The following HHATL variants were observed in gnomAD, a reference collection of about 807,000 sequenced individuals.
HHATL encodes hedgehog acyltransferase like.
HHATL carries 49 observed loss-of-function variants against 59.7 expected under a neutral mutation model. The ratio of observed to expected loss-of-function variants is 0.82; its 90% CI spans 0.65 to 1.04. The LOEUF (loss-of-function observed/expected upper bound fraction) is 1.04, where lower values mean the gene tolerates loss of function less well. Among genes scored for constraint, HHATL ranks in the 50% least tolerant of loss-of-function variants. The pLI is 0.00. For missense variants in HHATL, 605 were observed against 650.8 expected (o/e 0.93, Z 0.77); for synonymous variants, 238 against 257.3 (o/e 0.93, Z 0.72).
At position 42,700,706 on chromosome 3, in the gene HHATL, G is replaced by A. The variant is rs1244275489; in HGVS notation, c.106+15C>T. 2 of 1,582,174 alleles carry A rather than the reference G, an allele frequency of 1.3e-6. No individual in the cohort carries two copies. The highest frequency in any genetic ancestry group is 1.7e-6 in the Non-Finnish European group (2 of 1,152,982). The stretch of plus-strand genomic sequence containing the variant: ...AGAAGGGTCCTGTCCACCTGCCCCG[G>A]GGCACAGCCATTACCTTGTGAAGCC... On this transcript the variant is annotated intron_variant, in intron 2 of 11. Coordinates refer to ENST00000441594, the MANE Select transcript of HHATL (RefSeq NM_020707.4).
chr3:42,700,039 TA>T (rs1316334624), intron 2 of HHATL, among the ~76,000 whole-genome samples: 1 of 151,474 alleles, frequency 6.6e-6, no homozygotes, highest in Non-Finnish European at 1.5e-5. Context: ...GGTGTGTGTG[TA>T]TATGTCTGTG....
At chr3:42,700,679 G>T in intron 2 of HHATL, 42 bp downstream of exon 2, 1 of 1,413,502 alleles carries the variant, frequency 7.1e-7, no homozygotes, top group African/African-American at 1.4e-5. Flanking sequence ...GCCTCCAGGG[G>T]AAGAAGGGTC....
rs777146952 is a variant in HHATL at position 42,697,040 on chromosome 3, G to A, written c.971C>T (p.Pro324Leu). The change falls in exon 8 of 12, where the codon CCT becomes CTT. Residue 324 changes from proline (P) to leucine (L), a missense_variant. Transcript: ENST00000441594. ...ACLDHLDPPQ[P>L]PKCITALYVF... ...GTAGAGTGCGGTGATGCACTTGGGAGGCTGGGGTGGGTCCAGGTGGTCGAG... is the reference window on the plus strand; with the variant it reads ...GTAGAGTGCGGTGATGCACTTGGGAAGCTGGGGTGGGTCCAGGTGGTCGAG... 6 of 1,598,548 alleles carry A rather than the reference G, an allele frequency of 3.8e-6. No homozygotes were observed. Among genetic ancestry groups the A allele is most frequent in the Non-Finnish European group, 3.4e-6 (4 of 1,171,028 alleles).
chr3:42,702,239 A>G (rs1318048866), intron 1 of HHATL, among the ~76,000 whole-genome samples: 1 of 152,212 alleles, frequency 6.6e-6, no homozygotes, highest in Non-Finnish European at 1.5e-5. Flanking sequence ...TTAATGGAGC[A>G]GGAGCTTGAA....
chr3:42,695,357 C>T (rs1697560356), intron 9 of HHATL, among the ~76,000 whole-genome samples: 1 of 152,218 alleles, frequency 6.6e-6, no homozygotes, highest in African/African-American at 2.4e-5. Flanking sequence ...TTATTCCTGA[C>T]TTCTTCCTTG....
At chr3:42,694,660 C>T (rs1176747378) in intron 9 of HHATL, among the ~76,000 whole-genome samples, 2 of 152,262 alleles carry the variant, frequency 1.3e-5, no homozygotes, top group Non-Finnish European at 2.9e-5. Flanking sequence ...GCTGGCCTCA[C>T]TGGCCTTTCT....
Position 42,696,695 on chromosome 3 carries a change from C to T in HHATL, c.1046+147G>A, listed in dbSNP as rs1345041055. On this transcript the variant is annotated intron_variant, in intron 9 of 11. Coordinates refer to ENST00000441594, the MANE Select transcript of HHATL (RefSeq NM_020707.4). The stretch of plus-strand genomic sequence containing the variant: ...TAAATCCTAACTTCTATATCTTTCA[C>T]CCAGACCTCTGCCAATACCTCCTCA... The T allele has an allele frequency of 6.7e-5, 57 of 847,640 alleles. No homozygotes were observed. The Admixed American group carries it at 1.3e-3, about 19-fold the overall frequency. The allele number at this position is 847,640 out of a possible 1,614,324, so 52.5% of individuals were successfully genotyped here. A position where few individuals can be genotyped will look rare whatever the true frequency, so the allele number is the denominator to read the frequency against.
At chr3:42,697,716 C>T (rs766707277) in intron 6 of HHATL, 37 bp from the exon 7 acceptor site, 1 of 1,595,378 alleles carries the variant, frequency 6.3e-7, no homozygotes, top group Non-Finnish European at 8.6e-7. Context: ...AAGAGGCAAG[C>T]CCTGCCTGGG....
intron 9 of HHATL, among the ~76,000 whole-genome samples, chr3:42,694,366 T>C (rs763720558): frequency 2.0e-5 from 3 of 152,178 alleles, no homozygotes; most frequent in Non-Finnish European, 4.4e-5. Flanking sequence ...ACCACCACCC[T>C]AGTCAAGATG....
chr3:42,698,038 G>A, intron 6 of HHATL, 104 bp downstream of exon 6: 1 of 1,187,878 alleles, frequency 8.4e-7, no homozygotes, highest in East Asian at 2.4e-5. Context: ...TCATGCCTGA[G>A]GATGGGGATA....
At chr3:42,697,310 C>T (rs339692) in intron 7 of HHATL, among the ~76,000 whole-genome samples, 165 bp from the exon 8 acceptor site, 6,473 of 152,220 alleles carry the variant, frequency 0.043, 422 homozygotes, top group African/African-American at 0.14. Context: ...GGGTGGGGTC[C>T]GTGGGATGCT....
chr3:42,693,692 G>A lies in HHATL; in HGVS notation c.1173C>T (p.Phe391=). Residue 391 remains phenylalanine (F), a synonymous_variant, in exon 10 of 12, where the codon TTC becomes TTT. Transcript: ENST00000441594. ...CAAAGTTGAGGCCAAAGCAGTTAAGGAATGACCACAGGTAGACAATGTCAC... is the reference window on the plus strand; with the variant it reads ...CAAAGTTGAGGCCAAAGCAGTTAAGAAATGACCACAGGTAGACAATGTCAC... ...GPCDIVYLWS[F]LNCFGLNFEL... The A allele has an allele frequency of 6.2e-7, 1 of 1,614,128 alleles. No individual in the cohort carries two copies. The highest frequency in any genetic ancestry group is 8.5e-7 in the Non-Finnish European group (1 of 1,180,038).
At position 42,693,076 on chromosome 3, in the gene HHATL, C is replaced by T. The variant is rs1249040595; in HGVS notation, c.1390+1G>A. On this transcript the variant is annotated splice_donor_variant, in intron 11 of 11. Transcript: ENST00000441594. LOFTEE classifies it high-confidence loss of function. ...TGTATCCCCACACCCCTGTCCCTCA[C>T]CTGTGAGTAGCAGGCGCCGGGCAAC... is the stretch of plus-strand genomic sequence containing the variant. 2 of 1,614,062 alleles carry T rather than the reference C, an allele frequency of 1.2e-6. No individual in the cohort carries two copies. The highest frequency in any genetic ancestry group is 1.1e-5 in the South Asian group (1 of 91,090).
At chr3:42,696,952 A>C (rs758080382) in intron 8 of HHATL, 49 bp downstream of exon 8, 1 of 1,613,746 alleles carries the variant, frequency 6.2e-7, no homozygotes, top group Non-Finnish European at 8.5e-7. Context: ...AGGCTAGGGG[A>C]AGGTGTGGTC....
chr3:42,696,043 C>T (rs1172666136), intron 9 of HHATL, among the ~76,000 whole-genome samples: 1 of 152,158 alleles, frequency 6.6e-6, no homozygotes, highest in Non-Finnish European at 1.5e-5. Flanking sequence ...TTGACTTTCC[C>T]TCCTTACCTG....
At chr3:42,702,361 G>C (rs2125861436) in intron 1 of HHATL, among the ~76,000 whole-genome samples, 1 of 152,346 alleles carries the variant, frequency 6.6e-6, no homozygotes, top group South Asian at 2.1e-4. Flanking sequence ...TGAGGCCTCT[G>C]CAAGGAGCTG....
At chr3:42,694,691 T>C (rs1013810865) in intron 9 of HHATL, among the ~76,000 whole-genome samples, 1 of 152,194 alleles carries the variant, frequency 6.6e-6, no homozygotes, top group Non-Finnish European at 1.5e-5. Context: ...CCCACACAGT[T>C]GGTTTGTGTC....
chr3:42,700,770 C>T lies in HHATL; in HGVS notation c.57G>A (p.Leu19=). 3 of 1,613,926 alleles carry T rather than the reference C, an allele frequency of 1.9e-6. No homozygotes were observed. The highest frequency in any genetic ancestry group is 2.2e-5 in the East Asian group (1 of 44,872). ...GGCCAGCATAGGCCAGGGCCCCACT[C>T]AGCACCAGAGAGTAGAGGCCCAGCT... The part of the protein sequence containing the change: ...AAELGLYSLV[L]SGALAYAGRG... The change falls in exon 2 of 12, where the codon CTG becomes CTA. Residue 19 remains leucine (L), a synonymous_variant. Coordinates refer to ENST00000441594, the MANE Select transcript of HHATL (RefSeq NM_020707.4).
Position 42,698,697 on chromosome 3 carries a change from C to T in HHATL, c.483+11G>A. 1 of 1,545,158 alleles carries T rather than the reference C, an allele frequency of 6.5e-7. No individual in the cohort carries two copies. Among genetic ancestry groups the T allele is most frequent in the Non-Finnish European group, 8.7e-7 (1 of 1,151,338 alleles). ...TATCCCTACACCCTCTACCCCTGCA[C>T]CAGTTCACACCTGCCAAGAGATTAG... On this transcript the variant is annotated intron_variant, in intron 5 of 11. Coordinates refer to ENST00000441594, the MANE Select transcript of HHATL (RefSeq NM_020707.4).
Sources: allele counts gnomAD v4.1 joint callset (sites outside exome capture counted in the v4.1 genomes callset), GRCh38; gene constraint gnomAD v4.1.1; transcripts MANE v1.5; gene names NCBI Gene and HGNC (gene_info 2026-07-23, HGNC 2026-07-21).